Variants in MEI4 observed in about 807,000 individuals in gnomAD.
MEI4 encodes meiotic double-stranded break formation protein 4.
MEI4 carries 27 observed loss-of-function variants against 31.4 expected under a neutral mutation model. That is an observed-to-expected ratio of 0.86 (90% confidence interval 0.63 to 1.19). The LOEUF (loss-of-function observed/expected upper bound fraction) is 1.19. MEI4 is among the 50% of genes most tolerant of loss of function. MEI4 has a pLI of 0.00. For synonymous variants in MEI4, 122 were observed against 145.4 expected, an observed-to-expected ratio of 0.84 and a Z score of 1.16; for missense variants, 329 against 398.9, an observed-to-expected ratio of 0.82 and a Z score of 1.49.
At chr6:77,767,634 T>C (rs1298531394) in intron 3 of MEI4, among the ~76,000 whole-genome samples, 2 of 151,364 alleles carry the variant, frequency 1.3e-5, no homozygotes, top group Non-Finnish European at 2.9e-5. Flanking sequence ...GAGGCAGAGA[T>C]TGCAGTGAGA....
At chr6:77,863,228 G>A (rs1183303559) in intron 4 of MEI4, among the ~76,000 whole-genome samples, 1 of 152,166 alleles carries the variant, frequency 6.6e-6, no homozygotes, top group Non-Finnish European at 1.5e-5. Flanking sequence ...AACAAAGCTG[G>A]ATAGAGAATG....
intron 2 of MEI4, among the ~76,000 whole-genome samples, chr6:77,729,169 G>A (rs1201515547): frequency 6.6e-6 from 1 of 152,100 alleles, no homozygotes; most frequent in Non-Finnish European, 1.5e-5. Context: ...AGTGGAGGTG[G>A]GATAAATGGG....
chr6:77,894,221 T>C (rs1301777021), intron 4 of MEI4, among the ~76,000 whole-genome samples: 1 of 151,220 alleles, frequency 6.6e-6, no homozygotes, highest in African/African-American at 2.4e-5. Context: ...GATTACTTTT[T>C]CTTTATGCAG....
intron 4 of MEI4, among the ~76,000 whole-genome samples, chr6:77,911,339 A>G (rs1302478349): frequency 1.3e-5 from 2 of 151,966 alleles, no homozygotes; most frequent in Non-Finnish European, 2.9e-5. Context: ...CAGGGTACAT[A>G]TGCAAGTTTA....
At chr6:77,794,838 G>T (rs905939025) in intron 3 of MEI4, among the ~76,000 whole-genome samples, 5 of 152,058 alleles carry the variant, frequency 3.3e-5, no homozygotes, top group African/African-American at 1.2e-4. Context: ...TTATATGCTG[G>T]TCAACAAAAG....
intron 3 of MEI4, among the ~76,000 whole-genome samples, chr6:77,788,599 T>G (rs1306158331): frequency 6.6e-6 from 1 of 152,008 alleles, no homozygotes; most frequent in Non-Finnish European, 1.5e-5. Flanking sequence ...AGCATTCTTA[T>G]ACACCAAGAA....
chr6:77,859,769 C>T (rs199882953), intron 4 of MEI4, among the ~76,000 whole-genome samples: 6 of 152,160 alleles, frequency 3.9e-5, no homozygotes, highest in South Asian at 2.1e-4. Context: ...ACTGATCTCA[C>T]GTACTCACAA....
At chr6:77,879,132 A>G (rs968882869) in intron 4 of MEI4, among the ~76,000 whole-genome samples, 5 of 152,188 alleles carry the variant, frequency 3.3e-5, no homozygotes, top group Non-Finnish European at 7.4e-5. Context: ...ACTAAAATGT[A>G]TATGTATAGT....
chr6:77,699,419 C>G (rs1428625418), intron 2 of MEI4, among the ~76,000 whole-genome samples: 2 of 152,034 alleles, frequency 1.3e-5, no homozygotes, highest in Middle Eastern at 3.4e-3. Flanking sequence ...GTCTCGATCT[C>G]CTGACCTCGT....
intron 3 of MEI4, among the ~76,000 whole-genome samples, chr6:77,800,088 T>C (rs1011594722): frequency 3.3e-5 from 5 of 152,156 alleles, no homozygotes; most frequent in African/African-American, 1.2e-4. Context: ...CCTTGGGCAG[T>C]ATGGCCATTT....
At chr6:77,789,933 C>T (rs1008227584) in intron 3 of MEI4, among the ~76,000 whole-genome samples, 1 of 152,100 alleles carries the variant, frequency 6.6e-6, no homozygotes, top group Non-Finnish European at 1.5e-5. Flanking sequence ...ATAAATCATG[C>T]TGCTATAAAG....
intron 3 of MEI4, among the ~76,000 whole-genome samples, chr6:77,804,577 T>C (rs563581276): frequency 9.8e-5 from 15 of 152,338 alleles, no homozygotes; most frequent in African/African-American, 3.6e-4. Context: ...GAGCTGTTCC[T>C]ATTTGGCCAT....
chr6:77,736,541 C>T (rs557033783), intron 2 of MEI4, among the ~76,000 whole-genome samples: 2 of 152,182 alleles, frequency 1.3e-5, no homozygotes, highest in Admixed American at 6.5e-5. Flanking sequence ...GTCTGGCACT[C>T]CCTAATGAGA....
chr6:77,854,470 T>A (rs536896117), intron 4 of MEI4, among the ~76,000 whole-genome samples: 1 of 151,102 alleles, frequency 6.6e-6, no homozygotes, highest in Admixed American at 6.6e-5. Flanking sequence ...TAAATTTCCA[T>A]GGTACTATGT....
At chr6:77,817,119 A>G (rs997389905) in intron 3 of MEI4, among the ~76,000 whole-genome samples, 8 of 152,214 alleles carry the variant, frequency 5.3e-5, no homozygotes, top group African/African-American at 1.4e-4. Context: ...CTTATTATAC[A>G]CATATTATTC....
intron 2 of MEI4, among the ~76,000 whole-genome samples, chr6:77,749,198 C>G (rs1172204363): frequency 2.6e-5 from 4 of 152,046 alleles, no homozygotes. Context: ...TTCCAAAACC[C>G]AGAACACCTC....
intron 4 of MEI4, among the ~76,000 whole-genome samples, chr6:77,911,715 T>C (rs1407083897): frequency 2.7e-5 from 4 of 147,990 alleles, no homozygotes; most frequent in African/African-American, 4.9e-5. Context: ...ATAATACATA[T>C]ATTTTATTTA....
chr6:77,651,426 G>T (rs1768296958), upstream of MEI4, among the ~76,000 whole-genome samples: 1 of 152,168 alleles, frequency 6.6e-6, no homozygotes, highest in Non-Finnish European at 1.5e-5. Context: ...CCATAGATAA[G>T]GCAATGTGCA....
intron 2 of MEI4, among the ~76,000 whole-genome samples, chr6:77,739,924 G>A (rs1767355226): frequency 6.6e-6 from 1 of 152,072 alleles, no homozygotes; most frequent in African/African-American, 2.4e-5. Flanking sequence ...CTAACTTTCT[G>A]ATGTGGATGT....
Sources: allele counts gnomAD v4.1 joint callset (sites outside exome capture counted in the v4.1 genomes callset), GRCh38; gene constraint gnomAD v4.1.1; transcripts MANE v1.5; gene names NCBI Gene and HGNC (gene_info 2026-07-23, HGNC 2026-07-21).